COL23A1: variants seen among roughly 807,000 people sequenced by gnomAD.
COL23A1 encodes the protein collagen type XXIII alpha 1 chain.
In COL23A1, 97 loss-of-function variants were observed where a neutral mutation model predicts 99.3. The observed-to-expected ratio is 0.98, with a 90% confidence interval of 0.83 to 1.16. COL23A1 has a LOEUF of 1.16. Among genes scored for constraint, COL23A1 ranks in the 50% most tolerant of loss-of-function variants. The probability of loss-of-function intolerance (pLI) is 0.00; values close to 1 mark genes in which losing one functional copy is unlikely to be tolerated. For synonymous variants in COL23A1, 320 were observed against 308.2 expected (o/e 1.04, Z -0.40); for missense variants, 762 against 757.4 (o/e 1.01, Z -0.07).
chr5:178,338,501 A>G (rs1467804963), intron 2 of COL23A1, among the ~76,000 whole-genome samples: 1 of 143,956 alleles, frequency 6.9e-6, no homozygotes, highest in Non-Finnish European at 1.5e-5. Flanking sequence ...CCCTTTAATG[A>G]CAGCAGCGCA....
chr5:178,539,601 T>G (rs1035276033), intron 2 of COL23A1, among the ~76,000 whole-genome samples: 4 of 137,700 alleles, frequency 2.9e-5, no homozygotes, highest in African/African-American at 1.1e-4. Flanking sequence ...AAAGAAATAA[T>G]GAAGCAGAGT....
chr5:178,292,807 G>A (rs1349870223), intron 3 of COL23A1, among the ~76,000 whole-genome samples: 1 of 152,222 alleles, frequency 6.6e-6, no homozygotes, highest in Non-Finnish European at 1.5e-5. Flanking sequence ...TAGTAGTGGG[G>A]CAGGCTTGGC....
intron 2 of COL23A1, chr5:178,438,798 T>A (rs776536299): frequency 5.9e-5 from 9 of 152,160 alleles, no homozygotes; most frequent in Non-Finnish European, 1.0e-4. Flanking sequence ...ATTAGAAGCA[T>A]CTGCTCAGAA....
chr5:178,350,032 G>A (rs1660405885), intron 2 of COL23A1, among the ~76,000 whole-genome samples: 1 of 152,188 alleles, frequency 6.6e-6, no homozygotes, highest in Admixed American at 6.5e-5. Flanking sequence ...CAGGCCCTCT[G>A]TGCCCCCTCT....
chr5:178,547,517 C>CCACCCACCTA (rs1761666772), intron 2 of COL23A1, among the ~76,000 whole-genome samples: 1 of 127,704 alleles, frequency 7.8e-6, no homozygotes. Flanking sequence ...ACCCCCACAC[C>CCACCCACCTA]CACACACTCA....
chr5:178,518,103 G>C (rs191060420), intron 2 of COL23A1, among the ~76,000 whole-genome samples: 14,156 of 103,668 alleles, frequency 0.14, 1,314 homozygotes, highest in East Asian at 0.47. Context: ...TGACTCTTAA[G>C]GAGCATGCTG....
At chr5:178,345,156 C>A in intron 2 of COL23A1, 1 of 663,176 alleles carries the variant, frequency 1.5e-6, no homozygotes, top group Non-Finnish European at 2.7e-6. Context: ...GCACATTTAG[C>A]TGATGGCCTG....
intron 2 of COL23A1, among the ~76,000 whole-genome samples, chr5:178,503,587 C>T (rs542541311): frequency 1.3e-5 from 2 of 152,248 alleles, no homozygotes; most frequent in South Asian, 4.1e-4. Context: ...AAGGTGACCA[C>T]ATCAAATGGT....
At chr5:178,500,116 G>C (rs1164342804) in intron 2 of COL23A1, among the ~76,000 whole-genome samples, 1 of 152,038 alleles carries the variant, frequency 6.6e-6, no homozygotes, top group African/African-American at 2.4e-5. Flanking sequence ...AGCTTACTCT[G>C]TGGAGAAGCA....
intron 2 of COL23A1, among the ~76,000 whole-genome samples, chr5:178,521,480 C>T (rs1005340746): frequency 2.0e-5 from 3 of 149,430 alleles, no homozygotes; most frequent in East Asian, 2.0e-4. Flanking sequence ...GTGAACCCAG[C>T]AGGCGGAGCT....
At chr5:178,243,466 G>A (rs1343338162) in intron 25 of COL23A1, among the ~76,000 whole-genome samples, 2 of 31,220 alleles carry the variant, frequency 6.4e-5, no homozygotes, top group African/African-American at 1.6e-4. Context: ...CAGCCTGGGT[G>A]GACAGAGTGA....
At chr5:178,372,708 G>A (rs1235435642) in intron 2 of COL23A1, among the ~76,000 whole-genome samples, 2 of 151,306 alleles carry the variant, frequency 1.3e-5, no homozygotes, top group Non-Finnish European at 2.9e-5. Context: ...GTGTAGCTGG[G>A]ACCACAGGCA....
At chr5:178,490,011 A>G (rs1460274478) in intron 2 of COL23A1, among the ~76,000 whole-genome samples, 3 of 151,982 alleles carry the variant, frequency 2.0e-5, no homozygotes, top group Non-Finnish European at 2.9e-5. Context: ...AGGCGGGCGG[A>G]TCACCTGAGG....
In COL23A1 at chr5:178,246,300, A is replaced by C; in HGVS notation, c.1367T>G (p.Val456Gly). 1 of 1,556,212 alleles carries C rather than the reference A, an allele frequency of 6.4e-7. No homozygotes were observed. The highest frequency in any genetic ancestry group is 1.2e-5 in the South Asian group (1 of 84,520). Residue 456 changes from valine (V) to glycine (G), a missense_variant, in exon 24 of 29, where the codon GTT becomes GGT. Val to Gly is a moderately radical substitution (Grantham distance 109, BLOSUM62 -3). Coordinates refer to ENST00000390654, the MANE Select transcript of COL23A1 (RefSeq NM_173465.4). ...CAGCCCAATAAGGCCCGGTGGGCCA[A>C]CTGGCCCCTGGATAGAAAAGGAATG... ...ERGPSGLPGP[V>G]GPPGLIGLPG...
rs60863033 is a variant in COL23A1 at position 178,309,943 on chromosome 5, G to T, written c.362-3024C>A. 1.4e-4 allele frequency among the ~76,000 whole-genome samples: 21 copies of T among 146,050 alleles called. No homozygotes were observed. The highest frequency in any genetic ancestry group is 5.8e-4 in the East Asian group (3 of 5,166). On this transcript the variant is annotated intron_variant, in intron 2 of 28. Transcript: ENST00000390654. The surrounding 1 kb of genome is among the most constrained non-coding windows in gnomAD (Gnocchi z 4.7). ...TGTGTGTTCAGGGGAGGAAGGGCGG[G>T]GGGGAGAGGGAGGGAGGGAGAAGGG...
intron 2 of COL23A1, among the ~76,000 whole-genome samples, chr5:178,406,324 G>C (rs756121190): frequency 1.3e-5 from 2 of 152,158 alleles, no homozygotes; most frequent in Non-Finnish European, 2.9e-5. Flanking sequence ...TGGAAGACAT[G>C]CTAGTTCTTG....
chr5:178,375,624 A>C (rs940098952), intron 2 of COL23A1, among the ~76,000 whole-genome samples: 2 of 152,198 alleles, frequency 1.3e-5, no homozygotes, highest in Non-Finnish European at 2.9e-5. Flanking sequence ...CAGTCTCACC[A>C]GGCAAACGCT....
At chr5:178,429,857 C>A (rs1766163295) in intron 2 of COL23A1, among the ~76,000 whole-genome samples, 1 of 152,158 alleles carries the variant, frequency 6.6e-6, no homozygotes, top group South Asian at 2.1e-4. Context: ...CTTTCCCTGA[C>A]CTATGGCCTG....
At chr5:178,584,399 G>T (rs1763821308) in intron 1 of COL23A1, among the ~76,000 whole-genome samples, 2 of 151,400 alleles carry the variant, frequency 1.3e-5, no homozygotes, top group African/African-American at 4.9e-5. Context: ...ACGAGGTCTT[G>T]CTATATCATC....
Sources: gnomAD v4.1 joint callset for allele counts (sites outside exome capture counted in the v4.1 genomes callset) on GRCh38, gnomAD v4.1.1 for gene constraint, Gnocchi (gnomAD v3.1) non-coding constraint, MANE v1.5 for transcripts, NCBI Gene and HGNC (gene_info 2026-07-23, HGNC 2026-07-21) for gene names.